Variants in COL5A2 observed in about 807,000 individuals in gnomAD.
COL5A2 encodes the protein collagen type V alpha 2 chain, also known as collagen alpha-2(V) chain.
In COL5A2, 23 loss-of-function variants were observed where a neutral mutation model predicts 208.2. That is an observed-to-expected ratio of 0.11 (90% CI 0.08 to 0.16). The LOEUF (loss-of-function observed/expected upper bound fraction) is 0.16. Ranked by LOEUF, COL5A2 falls within the 10% of genes least tolerant of loss-of-function variation. The pLI is 1.00. For synonymous variants in COL5A2, 625 were observed against 628.5 expected (o/e 0.99, Z 0.08); for missense variants, 1,590 against 1,956.4 (o/e 0.81, Z 3.53).
intron 2 of COL5A2, among the ~76,000 whole-genome samples, chr2:189,109,479 T>C (rs1335112373): frequency 2.6e-5 from 4 of 152,134 alleles, no homozygotes; most frequent in Non-Finnish European, 5.9e-5. Flanking sequence ...AATAAAGCCT[T>C]GATATTGTCT....
chr2:189,072,897 GACT>G (rs964798370), intron 17 of COL5A2, among the ~76,000 whole-genome samples: 5 of 151,144 alleles, frequency 3.3e-5, no homozygotes, highest in Non-Finnish European at 7.4e-5. Context: ...TTGATTAAAA[GACT>G]AAATTTAAAA....
chr2:189,289,169 C>T, the COL5A2 span, among the ~76,000 whole-genome samples: 1 of 151,892 alleles, frequency 6.6e-6, no homozygotes, highest in African/African-American at 2.4e-5. Flanking sequence ...TGGTGAAACC[C>T]TGTCTCTACT....
the COL5A2 span, among the ~76,000 whole-genome samples, chr2:189,410,919 TTTAAA>T: frequency 2.6e-5 from 4 of 152,182 alleles, no homozygotes; most frequent in South Asian, 2.1e-4. Context: ...AATTATTAAC[TTTAAA>T]TTAAAGAAAA....
At chr2:189,428,617 G>GA in the COL5A2 span, among the ~76,000 whole-genome samples, 40 of 148,514 alleles carry the variant, frequency 2.7e-4, no homozygotes, top group African/African-American at 7.2e-4. Flanking sequence ...GACTCCGTCT[G>GA]AAAAAAAAAA....
the COL5A2 span, among the ~76,000 whole-genome samples, chr2:189,342,722 G>A: frequency 3.9e-4 from 58 of 149,288 alleles, no homozygotes; most frequent in Non-Finnish European, 4.9e-4. Flanking sequence ...ATGTCTTTAC[G>A]TCCACCAATA....
chr2:189,325,855 G>A, the COL5A2 span, among the ~76,000 whole-genome samples: 1 of 152,154 alleles, frequency 6.6e-6, no homozygotes, highest in Admixed American at 6.5e-5. Context: ...CTAGCAATTT[G>A]GGAGGCCGAG....
chr2:189,410,545 G>A, the COL5A2 span, among the ~76,000 whole-genome samples: 2 of 152,076 alleles, frequency 1.3e-5, no homozygotes, highest in Middle Eastern at 3.4e-3. Flanking sequence ...TAGCCTGAGC[G>A]ACAGAGTGAC....
intron 1 of COL5A2, among the ~76,000 whole-genome samples, chr2:189,172,239 G>A (rs1688586173): frequency 6.6e-6 from 1 of 152,148 alleles, no homozygotes; most frequent in Non-Finnish European, 1.5e-5. Flanking sequence ...AGAGCAGATA[G>A]AAAGGAAGTG....
the COL5A2 span, among the ~76,000 whole-genome samples, chr2:189,363,905 C>T: frequency 6.6e-6 from 1 of 152,192 alleles, no homozygotes; most frequent in African/African-American, 2.4e-5. Context: ...CCGTGTTGAC[C>T]CACCTGTCAT....
the COL5A2 span, among the ~76,000 whole-genome samples, chr2:189,300,507 G>T: frequency 1.3e-5 from 2 of 152,220 alleles, no homozygotes; most frequent in Non-Finnish European, 2.9e-5. Flanking sequence ...AAGAAAGGAA[G>T]AAGGCTAAAA....
chr2:189,166,713 A>G (rs1688471662), intron 1 of COL5A2, among the ~76,000 whole-genome samples: 1 of 152,194 alleles, frequency 6.6e-6, no homozygotes, highest in African/African-American at 2.4e-5. Flanking sequence ...TCCATCTGGG[A>G]TACTGGGGCT....
At chr2:189,186,911 T>A (rs1471783581) in intron 1 of COL5A2, among the ~76,000 whole-genome samples, 1 of 152,242 alleles carries the variant, frequency 6.6e-6, no homozygotes, top group Non-Finnish European at 1.5e-5. Flanking sequence ...GTATTAGAAA[T>A]TTTTACCTTC....
At chr2:189,379,101 G>C in the COL5A2 span, among the ~76,000 whole-genome samples, 1 of 151,954 alleles carries the variant, frequency 6.6e-6, no homozygotes, top group Non-Finnish European at 1.5e-5. Flanking sequence ...GAATACTACA[G>C]ACCTCTCAGC....
At chr2:189,354,580 T>TA in the COL5A2 span, among the ~76,000 whole-genome samples, 1 of 152,200 alleles carries the variant, frequency 6.6e-6, no homozygotes, top group African/African-American at 2.4e-5. Context: ...GTGTTTATAA[T>TA]ATTCTCTGAC....
intron 1 of COL5A2, among the ~76,000 whole-genome samples, chr2:189,171,420 A>G (rs1688571528): frequency 6.6e-6 from 1 of 152,226 alleles, no homozygotes; most frequent in Non-Finnish European, 1.5e-5. Context: ...TTTAGATGCT[A>G]TCACAGTAAC....
chr2:189,389,591 TTG>T, the COL5A2 span, among the ~76,000 whole-genome samples: 1 of 152,184 alleles, frequency 6.6e-6, no homozygotes, highest in African/African-American at 2.4e-5. Context: ...AAATTTTAGA[TTG>T]GAATAAAGCA....
At position 189,173,901 on chromosome 2, in the gene COL5A2, C is replaced by T. The variant is rs573549381; in HGVS notation, c.97+5607G>A. Among the ~76,000 whole-genome samples the T allele has an allele frequency of 5.9e-5, 9 of 152,198 alleles. No individual in the cohort carries two copies. The East Asian group carries it at 1.7e-3, about 29-fold the overall frequency. ...ATAATCAACACTTCCAGTCTTTTCC[C>T]CCACCCTTACTATATCTCTAATGTA... On this transcript the variant is annotated intron_variant, in intron 1 of 53. Transcript: ENST00000374866.
the COL5A2 span, among the ~76,000 whole-genome samples, chr2:189,322,600 A>T: frequency 6.6e-6 from 1 of 152,188 alleles, no homozygotes; most frequent in African/African-American, 2.4e-5. Flanking sequence ...ATTCCTCGAC[A>T]CATACACCCT....
the COL5A2 span, among the ~76,000 whole-genome samples, chr2:189,256,249 T>C: frequency 6.6e-6 from 1 of 152,170 alleles, no homozygotes; most frequent in East Asian, 1.9e-4. Context: ...GAGAGCACTA[T>C]CCTTTGAAAA....
Sources: allele counts gnomAD v4.1 joint callset (sites outside exome capture counted in the v4.1 genomes callset), GRCh38; gene constraint gnomAD v4.1.1; transcripts MANE v1.5; gene names NCBI Gene and HGNC (gene_info 2026-07-23, HGNC 2026-07-21).